The following GALNT17 variants were observed in gnomAD, a reference collection of about 807,000 sequenced individuals.
The protein encoded by GALNT17 is polypeptide N-acetylgalactosaminyltransferase 17.
In GALNT17, 29 loss-of-function variants were observed where a neutral mutation model predicts 63.7. The observed-to-expected ratio is 0.46, with a 90% confidence interval of 0.34 to 0.62. GALNT17 has a LOEUF of 0.62. GALNT17 is among the 20% of genes least tolerant of loss of function. GALNT17 has a pLI of 0.01. For synonymous variants in GALNT17, 305 were observed against 318.3 expected (o/e 0.96, Z 0.45); for missense variants, 603 against 799.6 (o/e 0.75, Z 2.97).
chr7:71,682,071 C>T (rs754078569), intron 9 of GALNT17, among the ~76,000 whole-genome samples: 9 of 152,044 alleles, frequency 5.9e-5, no homozygotes, highest in Admixed American at 5.2e-4. Context: ...GGATTACAGG[C>T]GCCCACCACC....
chr7:71,396,347 T>C (rs1020406882), intron 3 of GALNT17, among the ~76,000 whole-genome samples: 1 of 152,190 alleles, frequency 6.6e-6, no homozygotes, highest in East Asian at 1.9e-4. Flanking sequence ...CATATATAGT[T>C]ATCCCATGAG....
chr7:71,132,543 G>C lies in GALNT17; in HGVS notation c.-260G>C. On this transcript the variant is annotated 5_prime_UTR_variant, in exon 1 of 11. Coordinates refer to ENST00000333538, the MANE Select transcript of GALNT17 (RefSeq NM_022479.3). ...TTCGCGGAGACGCCTGGACGGGGCCGTGCGCCGTGGACTGAGCAGGCGTCT... is the reference window on the plus strand; with the variant it reads ...TTCGCGGAGACGCCTGGACGGGGCCCTGCGCCGTGGACTGAGCAGGCGTCT... 1 of 459,338 alleles carries C rather than the reference G, an allele frequency of 2.2e-6. No homozygotes were observed. Among genetic ancestry groups the C allele is most frequent in the South Asian group, 3.5e-5 (1 of 28,302 alleles). The allele number at this position is 459,338 out of a possible 1,614,324, so 28.5% of individuals were successfully genotyped here.
At chr7:71,207,041 G>A (rs1042024803) in intron 1 of GALNT17, among the ~76,000 whole-genome samples, 1 of 152,094 alleles carries the variant, frequency 6.6e-6, no homozygotes, top group African/African-American at 2.4e-5. Flanking sequence ...GGGAGGTGGA[G>A]CTTGCAGTGA....
intron 5 of GALNT17, among the ~76,000 whole-genome samples, chr7:71,504,176 G>A (rs138503052): frequency 0.019 from 2,821 of 150,736 alleles, 38 homozygotes; most frequent in African/African-American, 0.032. Context: ...GCAGTGAGCC[G>A]AGATTGTGCC....
At chr7:71,583,555 A>G (rs1331597328) in intron 6 of GALNT17, among the ~76,000 whole-genome samples, 4 of 152,248 alleles carry the variant, frequency 2.6e-5, no homozygotes, top group African/African-American at 9.6e-5. Flanking sequence ...GCCTCAGTGC[A>G]GAACGAAGTT....
At chr7:71,406,357 T>C (rs1793328742) in intron 3 of GALNT17, among the ~76,000 whole-genome samples, 1 of 152,162 alleles carries the variant, frequency 6.6e-6, no homozygotes, top group African/African-American at 2.4e-5. Context: ...TTCGAGGTCA[T>C]CTGATGGCCC....
chr7:71,389,297 C>A (rs1044310186), intron 3 of GALNT17, among the ~76,000 whole-genome samples: 14 of 152,010 alleles, frequency 9.2e-5, no homozygotes, highest in Non-Finnish European at 1.5e-4. Flanking sequence ...ACATGCCTGG[C>A]TAATTTTTGT....
chr7:71,380,118 G>A (rs929778954), intron 2 of GALNT17, among the ~76,000 whole-genome samples: 1 of 152,086 alleles, frequency 6.6e-6, no homozygotes, highest in African/African-American at 2.4e-5. Flanking sequence ...GGTGAGGTTG[G>A]GAAGGTCCCT....
intron 2 of GALNT17, among the ~76,000 whole-genome samples, chr7:71,350,931 A>AAGGCTGGT (rs1563024619): frequency 1.3e-5 from 2 of 152,246 alleles, no homozygotes; most frequent in African/African-American, 2.4e-5. Flanking sequence ...ACTTAAGGCC[A>AAGGCTGGT]GGAGTTTAAG....
intron 5 of GALNT17, among the ~76,000 whole-genome samples, chr7:71,454,285 C>T (rs192206552): frequency 2.6e-3 from 398 of 152,252 alleles, no homozygotes; most frequent in Non-Finnish European, 3.6e-3. Context: ...CATGTATTCT[C>T]ATTGTTCAGC....
intron 5 of GALNT17, among the ~76,000 whole-genome samples, chr7:71,484,514 A>G (rs966473854): frequency 2.6e-5 from 4 of 152,162 alleles, no homozygotes; most frequent in African/African-American, 9.7e-5. Flanking sequence ...TATTGGACAT[A>G]ATTGTATGTG....
At chr7:71,373,544 G>A (rs73193251) in intron 2 of GALNT17, among the ~76,000 whole-genome samples, 20,630 of 152,138 alleles carry the variant, frequency 0.14, 1,707 homozygotes, top group East Asian at 0.4. Context: ...GAGGTGAGCG[G>A]CGGGTGAGCA....
chr7:71,293,697 C>G (rs1202396685), intron 1 of GALNT17, among the ~76,000 whole-genome samples: 2 of 152,158 alleles, frequency 1.3e-5, no homozygotes. Context: ...AAAAGGATAG[C>G]TTTGCAGGGT....
intron 1 of GALNT17, among the ~76,000 whole-genome samples, chr7:71,143,064 C>G (rs1787946250): frequency 6.6e-6 from 1 of 151,956 alleles, no homozygotes; most frequent in South Asian, 2.1e-4. Flanking sequence ...AATTTTCATG[C>G]ATGCACGATA....
intron 6 of GALNT17, among the ~76,000 whole-genome samples, chr7:71,571,672 A>G (rs2116878430): frequency 6.6e-6 from 1 of 152,102 alleles, no homozygotes; most frequent in East Asian, 1.9e-4. Flanking sequence ...TCCCACTCCC[A>G]TTCAGTTTTG....
intron 2 of GALNT17, among the ~76,000 whole-genome samples, chr7:71,360,152 A>G (rs1401269133): frequency 1.3e-5 from 2 of 152,212 alleles, no homozygotes; most frequent in Admixed American, 6.5e-5. Context: ...ACAATCTCAC[A>G]TGATCCAACC....
chr7:71,703,473 G>C (rs116626071), intron 9 of GALNT17, among the ~76,000 whole-genome samples: 2,958 of 152,166 alleles, frequency 0.019, 109 homozygotes, highest in African/African-American at 0.067. Flanking sequence ...ATCACCAAGG[G>C]GATGGTGCTT....
At position 71,670,031 on chromosome 7, in the gene GALNT17, G is replaced by C; in HGVS notation, c.1326G>C (p.Lys442Asn). 1 of 1,614,166 alleles carries C rather than the reference G, an allele frequency of 6.2e-7. No homozygotes were observed. The highest frequency in any genetic ancestry group is 1.7e-5 in the Admixed American group (1 of 60,012). ...GAAGAGCATTAAGGAAAAGTTTAAA[G>C]TGTAAGAATTTCCAGTGGTACCTGG... The part of the protein sequence containing the change: ...SERRALRKSL[K>N]CKNFQWYLDH... Residue 442 changes from lysine to asparagine, a missense_variant, in exon 8 of 11, where the codon AAG (lysine) becomes AAC (asparagine). Lys to Asn is a moderately conservative substitution (Grantham distance 94). Around this residue, in one of 3 missense-constraint regions of GALNT17, gnomAD observed 336 missense variants for 507.8 expected, o/e 0.66. Transcript: ENST00000333538.
At chr7:71,404,876 G>C (rs1429099465) in intron 3 of GALNT17, among the ~76,000 whole-genome samples, 1 of 152,206 alleles carries the variant, frequency 6.6e-6, no homozygotes, top group African/African-American at 2.4e-5. Flanking sequence ...GAAAAAGGAG[G>C]CGCCTGCCTC....
Sources: gnomAD v4.1 joint callset for allele counts (sites outside exome capture counted in the v4.1 genomes callset) on GRCh38, gnomAD v4.1.1 for gene constraint, gnomAD v4.1.1 regional missense constraint, MANE v1.5 for transcripts, NCBI Gene and HGNC (gene_info 2026-07-23, HGNC 2026-07-21) for gene names.